Variants in ROR2 observed in about 807,000 individuals in gnomAD.
ROR2 encodes the protein ROR family WNT receptor 2.
A neutral mutation model predicts 74.9 loss-of-function variants in ROR2; 33 were observed. That is an observed-to-expected ratio of 0.44 (90% confidence interval 0.33 to 0.59). The LOEUF is 0.59. Among genes scored for constraint, ROR2 ranks in the 20% least tolerant of loss-of-function variants. The probability of loss-of-function intolerance (pLI) is 0.02; values close to 1 mark genes in which losing one functional copy is unlikely to be tolerated. For synonymous variants in ROR2, 586 were observed against 558.7 expected (o/e 1.05, Z -0.69); for missense variants, 1,216 against 1,313.8 (o/e 0.93, Z 1.15).
At chr9:91,904,049 T>C (rs902515447) in intron 1 of ROR2, among the ~76,000 whole-genome samples, 1 of 130,230 alleles carries the variant, frequency 7.7e-6, no homozygotes, top group African/African-American at 2.9e-5. Flanking sequence ...TTTGTTTTTT[T>C]TTGGGGGGGG....
At position 91,722,888 on chromosome 9, in the gene ROR2, TAAC is replaced by T. The variant is rs1018099367; in HGVS notation, c.*771_*773del. On this transcript the variant is annotated 3_prime_UTR_variant, in exon 9 of 9. Coordinates refer to ENST00000375708, the MANE Select transcript of ROR2 (RefSeq NM_004560.4). The stretch of plus-strand genomic sequence containing the variant: ...ACATTTAAGCTCTGTACATGATTCT[TAAC>T]AAAAATAACAATACCGTGTTCTGTA... 168 of 436,062 alleles carry T rather than the reference TAAC, an allele frequency of 3.9e-4. 1 individual carries two copies. The highest frequency in any genetic ancestry group is 6.5e-4 in the Non-Finnish European group (155 of 238,594). The allele number at this position is 436,062 out of a possible 1,614,324, so 27.0% of individuals were successfully genotyped here.
chr9:91,882,227 T>C (rs1039004061), intron 1 of ROR2, among the ~76,000 whole-genome samples: 1 of 151,778 alleles, frequency 6.6e-6, no homozygotes, highest in Non-Finnish European at 1.5e-5. Context: ...CTGGCCAACA[T>C]AGTGAAACCC....
chr9:91,792,552 C>A (rs56020365), intron 1 of ROR2, among the ~76,000 whole-genome samples: 34 of 152,264 alleles, frequency 2.2e-4, no homozygotes, highest in Non-Finnish European at 4.1e-4. Context: ...TTGTGATCCG[C>A]CCACCTTGGC....
intron 1 of ROR2, among the ~76,000 whole-genome samples, chr9:91,851,473 A>C (rs946559449): frequency 2.6e-5 from 4 of 152,142 alleles, no homozygotes; most frequent in African/African-American, 9.7e-5. Context: ...ATGACAATAC[A>C]TTTTGACACT....
chr9:91,867,175 A>G (rs1175987827), intron 1 of ROR2, among the ~76,000 whole-genome samples: 6 of 152,262 alleles, frequency 3.9e-5, no homozygotes, highest in Admixed American at 2.6e-4. Flanking sequence ...CAAGGGCATC[A>G]GCACAGAAGA....
At chr9:91,899,839 C>G (rs73519162) in intron 1 of ROR2, among the ~76,000 whole-genome samples, 7,929 of 152,226 alleles carry the variant, frequency 0.052, 272 homozygotes, top group African/African-American at 0.079. Context: ...CACCAGGAAA[C>G]TGGTCGCAAA....
intron 2 of ROR2, among the ~76,000 whole-genome samples, chr9:91,773,355 G>A (rs1022100405): frequency 8.9e-5 from 13 of 145,570 alleles, no homozygotes; most frequent in African/African-American, 3.2e-4. Context: ...TCCTCAAACC[G>A]TGCTTCACAG....
rs769673512 is a variant in ROR2 at position 91,723,109 on chromosome 9, C to T, written c.*553G>A. On this transcript the variant is annotated 3_prime_UTR_variant, in exon 9 of 9. Coordinates refer to ENST00000375708, the MANE Select transcript of ROR2 (RefSeq NM_004560.4). ...TCAGAAGCCCCTTGTCTTCCGACCC[C>T]AACAGGCAGCAGAGGGCAGCCTCCG... 6.8e-4 allele frequency: 109 copies of T among 160,602 alleles called. No homozygotes were observed. The highest frequency in any genetic ancestry group is 1.3e-3 in the Non-Finnish European group (93 of 72,726). 9.9% of individuals were successfully genotyped at this position (160,602 alleles called of 1,614,324 possible). A position where few individuals can be genotyped will look rare whatever the true frequency, so the allele number is the denominator to read the frequency against.
rs571706293 is a variant in ROR2 at position 91,917,333 on chromosome 9, GAGA to G, written c.97+32531_97+32533del. On this transcript the variant is annotated intron_variant, in intron 1 of 8. Transcript: ENST00000375708. ...AATAATCTCAAACCCAGACACGTGC[GAGA>G]AGAAGATACGTGCAGAGAAACAACG... Among the ~76,000 whole-genome samples, 70 of 152,254 alleles carry G rather than the reference GAGA, an allele frequency of 4.6e-4. 1 individual carries two copies. The East Asian group carries it at 6.0e-3, about 13-fold the overall frequency.
At chr9:91,926,665 C>T (rs573829476) in intron 1 of ROR2, among the ~76,000 whole-genome samples, 2 of 152,128 alleles carry the variant, frequency 1.3e-5, no homozygotes, top group African/African-American at 4.8e-5. Flanking sequence ...AATCCATCTA[C>T]CTTCTTTAAA....
At chr9:91,780,066 T>C (rs1164730708) in intron 1 of ROR2, among the ~76,000 whole-genome samples, 1 of 152,138 alleles carries the variant, frequency 6.6e-6, no homozygotes, top group African/African-American at 2.4e-5. Flanking sequence ...AGGCCTGCAA[T>C]AGCTGGAGGT....
intron 1 of ROR2, among the ~76,000 whole-genome samples, chr9:91,849,152 C>T (rs1445558131): frequency 6.6e-6 from 1 of 152,146 alleles, no homozygotes; most frequent in Non-Finnish European, 1.5e-5. Context: ...ACCATGGGAC[C>T]AAACCCTTTC....
At chr9:91,773,427 C>T (rs908136720) in intron 2 of ROR2, among the ~76,000 whole-genome samples, 8 of 152,180 alleles carry the variant, frequency 5.3e-5, no homozygotes, top group Non-Finnish European at 1.2e-4. Flanking sequence ...CAGACGCCCT[C>T]AACAACCGAC....
chr9:91,912,979 AG>A (rs758663604), intron 1 of ROR2, among the ~76,000 whole-genome samples: 1 of 152,170 alleles, frequency 6.6e-6, no homozygotes, highest in Non-Finnish European at 1.5e-5. Context: ...AAATACAAAA[AG>A]TAGCTGGGCG....
rs532911567 is a variant in ROR2 at position 91,910,153 on chromosome 9, C to T, written c.97+39714G>A. On this transcript the variant is annotated intron_variant, in intron 1 of 8. Coordinates refer to ENST00000375708, the MANE Select transcript of ROR2 (RefSeq NM_004560.4). ...GGGATTACAGGCGTGAGCAACCATG[C>T]CCAGCCAATCTTTACTTTTAACCTG... 3.9e-5 allele frequency among the ~76,000 whole-genome samples: 6 copies of T among 152,198 alleles called. No homozygotes were observed. In the South Asian group the frequency reaches 1.2e-3, roughly 32 times the overall value.
intron 1 of ROR2, among the ~76,000 whole-genome samples, chr9:91,854,653 A>G (rs1008324468): frequency 1.9e-4 from 29 of 152,216 alleles, no homozygotes; most frequent in African/African-American, 6.5e-4. Flanking sequence ...CAGGATCAGA[A>G]TCTCAGGGCC....
rs571377949 is a variant in ROR2 at position 91,876,701 on chromosome 9, T to C, written c.97+73166A>G. ...AAGGCATTGCCTTCTTAAAATATCA[T>C]CAGAATGCAATAAAAAATAGAAAAG... On this transcript the variant is annotated intron_variant, in intron 1 of 8. Coordinates refer to ENST00000375708, the MANE Select transcript of ROR2 (RefSeq NM_004560.4). 1.8e-4 allele frequency among the ~76,000 whole-genome samples: 27 copies of C among 152,094 alleles called. 1 individual carries two copies. In the South Asian group the frequency reaches 5.4e-3, roughly 30 times the overall value.
At chr9:91,771,802 C>T (rs887577621) in intron 2 of ROR2, among the ~76,000 whole-genome samples, 1 of 152,152 alleles carries the variant, frequency 6.6e-6, no homozygotes, top group African/African-American at 2.4e-5. Context: ...AACAAAAACA[C>T]ATTTTCCAGC....
At chr9:91,842,673 C>G (rs1828818056) in intron 1 of ROR2, among the ~76,000 whole-genome samples, 1 of 152,240 alleles carries the variant, frequency 6.6e-6, no homozygotes, top group African/African-American at 2.4e-5. Context: ...TTTGAATATT[C>G]CAGTATCTTA....
Sources: gnomAD v4.1 joint callset for allele counts (sites outside exome capture counted in the v4.1 genomes callset) on GRCh38, gnomAD v4.1.1 for gene constraint, MANE v1.5 for transcripts, NCBI Gene and HGNC (gene_info 2026-07-23, HGNC 2026-07-21) for gene names.